NSUN3: variants seen among roughly 807,000 people sequenced by gnomAD.
NSUN3 encodes tRNA (cytosine(34)-C(5))-methyltransferase, mitochondrial.
A neutral mutation model predicts 36.8 loss-of-function variants in NSUN3; 24 were observed. That is an observed-to-expected ratio of 0.65 (90% CI 0.47 to 0.92). The LOEUF (loss-of-function observed/expected upper bound fraction) is 0.92, where lower values mean the gene tolerates loss of function less well. Ranked by LOEUF, NSUN3 falls within the 40% of genes least tolerant of loss-of-function variation. NSUN3 has a pLI of 0.00. For synonymous variants in NSUN3, 146 were observed against 145.2 expected, an observed-to-expected ratio of 1.01 and a Z score of -0.04; for missense variants, 381 against 392.8, an observed-to-expected ratio of 0.97 and a Z score of 0.25.
chr3:94,094,912 A>G (rs2077331158), intron 4 of NSUN3, 121 bp from the exon 5 acceptor site: 1 of 1,027,906 alleles, frequency 9.7e-7, no homozygotes. Context: ...TCAGTTAAAA[A>G]AGAAATGTTT....
rs1345991352 is a variant in NSUN3 at position 94,129,802 on chromosome 3, G to A, written c.*3312G>A. ...TCTTGCTCTGTCGCCCAGGCTGGAT[G>A]GCGTGCAGTGGCATGATCTCAGCTC... On this transcript the variant is annotated 3_prime_UTR_variant, in exon 6 of 6. Transcript: ENST00000314622. 7.8e-6 allele frequency among the ~76,000 whole-genome samples: 1 copy of A among 128,354 alleles called. No homozygotes were observed. The highest frequency in any genetic ancestry group is 2.4e-4 in the East Asian group (1 of 4,196). The allele number at this position is 128,354 out of a possible 152,430, so 84.2% of individuals were successfully genotyped here.
intron 3 of NSUN3, among the ~76,000 whole-genome samples, chr3:94,092,929 A>C (rs2077321753): frequency 6.7e-6 from 1 of 149,632 alleles, no homozygotes; most frequent in Non-Finnish European, 1.5e-5. Flanking sequence ...CAAAAAAAAA[A>C]AAAAAAAAAA....
intron 5 of NSUN3, among the ~76,000 whole-genome samples, chr3:94,122,944 G>C (rs1482449152): frequency 6.6e-6 from 1 of 152,116 alleles, no homozygotes; most frequent in East Asian, 1.9e-4. Flanking sequence ...TATAAATATT[G>C]TCCACTGCAT....
At chr3:94,118,478 C>T (rs2077449215) in intron 5 of NSUN3, among the ~76,000 whole-genome samples, 1 of 151,924 alleles carries the variant, frequency 6.6e-6, no homozygotes, top group South Asian at 2.1e-4. Context: ...ATGAATAATA[C>T]CAGTCTTAAT....
chr3:94,100,776 T>C (rs915159836), intron 5 of NSUN3, among the ~76,000 whole-genome samples: 16 of 152,146 alleles, frequency 1.1e-4, no homozygotes, highest in African/African-American at 3.9e-4. Flanking sequence ...AAGGTATTTA[T>C]GCCCTTTATG....
At chr3:94,077,115 C>T in intron 2 of NSUN3, 1 of 764,918 alleles carries the variant, frequency 1.3e-6, no homozygotes, top group Non-Finnish European at 2.4e-6. Flanking sequence ...ATATTTTGTA[C>T]TCCTTATGGA....
chr3:94,089,595 C>T (rs977275834), intron 3 of NSUN3, among the ~76,000 whole-genome samples: 8 of 152,128 alleles, frequency 5.3e-5, no homozygotes, highest in African/African-American at 1.7e-4. Context: ...ACACACTGTG[C>T]GTGCTCACCT....
At chr3:94,093,476 C>T (rs1206622417) in intron 3 of NSUN3, among the ~76,000 whole-genome samples, 4 of 152,122 alleles carry the variant, frequency 2.6e-5, no homozygotes, top group Non-Finnish European at 5.9e-5. Flanking sequence ...ATGATCTAGG[C>T]AAGATTGCTT....
At chr3:94,118,922 T>A (rs903767787) in intron 5 of NSUN3, among the ~76,000 whole-genome samples, 3 of 152,178 alleles carry the variant, frequency 2.0e-5, no homozygotes, top group African/African-American at 7.2e-5. Flanking sequence ...TAAGACCTAT[T>A]AAGCAATATC....
At chr3:94,108,945 G>A (rs568848958) in intron 5 of NSUN3, among the ~76,000 whole-genome samples, 127 of 152,320 alleles carry the variant, frequency 8.3e-4, no homozygotes, top group African/African-American at 2.7e-3. Flanking sequence ...GATTACTGGC[G>A]TGAGCCACTG....
At position 94,130,901 on chromosome 3, in the gene NSUN3, C is replaced by CT. The variant is rs565357188; in HGVS notation, c.*4420dup. Among the ~76,000 whole-genome samples, 1,400 of 150,822 alleles carry CT rather than the reference C, an allele frequency of 9.3e-3. 8 individuals are homozygous for CT. The highest frequency in any genetic ancestry group is 0.013 in the Non-Finnish European group (861 of 67,576). ...AGCAAAGTTTCATTTTCATTCAACC[C>CT]TTTTTTTTTCACTTTGAATCAAATG... On this transcript the variant is annotated 3_prime_UTR_variant, in exon 6 of 6. Transcript: ENST00000314622.
At chr3:94,066,253 T>C (rs1055207184) in intron 2 of NSUN3, among the ~76,000 whole-genome samples, 1 of 152,294 alleles carries the variant, frequency 6.6e-6, no homozygotes, top group Admixed American at 6.5e-5. Context: ...ATTTACCCTA[T>C]TGTGGGGTTT....
intron 5 of NSUN3, among the ~76,000 whole-genome samples, chr3:94,099,398 C>T (rs1576093365): frequency 6.6e-6 from 1 of 152,272 alleles, no homozygotes; most frequent in East Asian, 1.9e-4. Flanking sequence ...TCTTACTTCC[C>T]TAAAGGAATG....
intron 2 of NSUN3, among the ~76,000 whole-genome samples, chr3:94,082,727 G>A (rs2077274976): frequency 6.6e-6 from 1 of 152,166 alleles, no homozygotes; most frequent in Admixed American, 6.5e-5. Context: ...TCACCTGTCA[G>A]TTGATATGAG....
intron 5 of NSUN3, among the ~76,000 whole-genome samples, chr3:94,100,972 AT>A (rs536075398): frequency 0.035 from 5,218 of 150,354 alleles, 132 homozygotes; most frequent in Non-Finnish European, 0.043. Context: ...TTTTATGTTA[AT>A]TTTTTTTTTA....
chr3:94,127,767 G>A lies in NSUN3; in HGVS notation c.*1277G>A, dbSNP rs908781703. On this transcript the variant is annotated 3_prime_UTR_variant, in exon 6 of 6. Coordinates refer to ENST00000314622, the MANE Select transcript of NSUN3 (RefSeq NM_022072.5). ...ACTTTTGAATTGTTCATTATGTTCT[G>A]TGCCTTTAAACTAGAGACTATTTGC... 2.0e-4 allele frequency: 30 copies of A among 152,108 alleles called. No homozygotes were observed. Among genetic ancestry groups the A allele is most frequent in the Admixed American group, 1.9e-3 (29 of 15,284 alleles). 9.4% of individuals were successfully genotyped at this position (152,108 alleles called of 1,614,324 possible). A position where few individuals can be genotyped will look rare whatever the true frequency, so the allele number is the denominator to read the frequency against.
At chr3:94,089,750 C>T (rs1353733779) in intron 3 of NSUN3, among the ~76,000 whole-genome samples, 2 of 152,172 alleles carry the variant, frequency 1.3e-5, no homozygotes, top group East Asian at 1.9e-4. Flanking sequence ...CCAGAGTACT[C>T]GCTTGGGTCT....
At chr3:94,110,936 C>G (rs74596825) in intron 5 of NSUN3, among the ~76,000 whole-genome samples, 1 of 151,948 alleles carries the variant, frequency 6.6e-6, no homozygotes, top group African/African-American at 2.4e-5. Context: ...GAAGATTGGG[C>G]CTGGATCCCT....
At position 94,126,253 on chromosome 3, in the gene NSUN3, C is replaced by T. The variant is rs140473115; in HGVS notation, c.786C>T (p.Tyr262=). The part of the protein sequence containing the change: ...KALRPGGILV[Y]STCTLSKAEN... ...TACGTCCTGGAGGGATACTTGTATACTCTACATGCACGCTTTCCAAGGCAG... is the reference window on the plus strand; with the variant it reads ...TACGTCCTGGAGGGATACTTGTATATTCTACATGCACGCTTTCCAAGGCAG... The change falls in exon 6 of 6, where the codon TAC becomes TAT. Residue 262 remains tyrosine, a synonymous_variant. Transcript: ENST00000314622. The T allele has an allele frequency of 5.8e-5, 94 of 1,613,964 alleles. No homozygotes were observed. In the Middle Eastern group the frequency reaches 6.6e-4, roughly 11 times the overall value.
Sources: allele counts gnomAD v4.1 joint callset (sites outside exome capture counted in the v4.1 genomes callset), GRCh38; gene constraint gnomAD v4.1.1; transcripts MANE v1.5; gene names NCBI Gene and HGNC (gene_info 2026-07-23, HGNC 2026-07-21).